The following HYAL4 variants were observed in gnomAD, a reference collection of about 807,000 sequenced individuals.
HYAL4 encodes hyaluronidase-4.
HYAL4 carries 37 observed loss-of-function variants against 35.2 expected under a neutral mutation model. That is an observed-to-expected ratio of 1.05 (90% CI 0.81 to 1.38). The LOEUF is 1.38. Ranked by LOEUF, HYAL4 falls within the 40% of genes most tolerant of loss-of-function variation. HYAL4 has a pLI of 0.00. For synonymous variants in HYAL4, 198 were observed against 203.2 expected, an observed-to-expected ratio of 0.97 and a Z score of 0.22; for missense variants, 572 against 572.4, an observed-to-expected ratio of 1.00 and a Z score of 0.01.
Position 123,877,016 on chromosome 7 carries a change from ATTGT to A in HYAL4, c.1309_1312del (p.Cys437IlefsTer12), listed in dbSNP as rs1431687341. 6.2e-7 allele frequency: 1 copy of A among 1,614,220 alleles called. No homozygotes were observed. Among genetic ancestry groups the A allele is most frequent in the Admixed American group, 1.7e-5 (1 of 60,032 alleles). On this transcript the variant is annotated frameshift_variant, in exon 5 of 5. Transcript: ENST00000223026. LOFTEE classifies it low-confidence loss of function (END_TRUNC). ...GTGATGGCAGATACATTTTCCTGTC[ATTGT>A]TATCAGGGATATGAAGGAGCTGATT...
At chr7:123,818,954 ACT>A in the HYAL4 span, among the ~76,000 whole-genome samples, 22 of 152,078 alleles carry the variant, frequency 1.4e-4, no homozygotes, top group South Asian at 1.7e-3. Context: ...TTTAATATCC[ACT>A]CTCTCAGCAT....
At chr7:123,835,554 T>G (rs1229554694) in intron 1 of HYAL4, among the ~76,000 whole-genome samples, 1 of 152,086 alleles carries the variant, frequency 6.6e-6, no homozygotes, top group Non-Finnish European at 1.5e-5. Context: ...TTATCTTTTG[T>G]ATTTTTTTGT....
chr7:123,767,505 C>T, the HYAL4 span, among the ~76,000 whole-genome samples: 1 of 152,140 alleles, frequency 6.6e-6, no homozygotes, highest in East Asian at 1.9e-4. Flanking sequence ...CATGTGCTGG[C>T]TCCCTGCAGC....
At chr7:123,830,945 A>G (rs145904091) in intron 1 of HYAL4, among the ~76,000 whole-genome samples, 42 of 152,044 alleles carry the variant, frequency 2.8e-4, no homozygotes, top group African/African-American at 8.2e-4. Flanking sequence ...TTTGCCTCAT[A>G]TTATGGATTT....
At chr7:123,797,928 A>G in the HYAL4 span, among the ~76,000 whole-genome samples, 1 of 152,114 alleles carries the variant, frequency 6.6e-6, no homozygotes, top group African/African-American at 2.4e-5. Flanking sequence ...AATTACACCT[A>G]TGGCAATAAT....
Position 123,868,559 on chromosome 7 carries a change from G to A in HYAL4, c.286G>A (p.Gly96Arg), listed in dbSNP as rs1267029898. 4.3e-6 allele frequency: 7 copies of A among 1,613,774 alleles called. 1 individual carries two copies. Among genetic ancestry groups the A allele is most frequent in the Middle Eastern group, 1.7e-4 (1 of 6,060 alleles). Residue 96 changes from glycine (G) to arginine (R), a missense_variant, in exon 3 of 5, where the codon GGA becomes AGA. Gly to Arg is a moderately radical substitution (Grantham distance 125). Coordinates refer to ENST00000223026, the MANE Select transcript of HYAL4 (RefSeq NM_012269.3). ...CACTATATTTTATGTCAACAGATTG[G>A]GATACTATCCGTGGTATACATCACA... ...NVTIFYVNRL[G>R]YYPWYTSQGV...
chr7:123,778,187 A>G, the HYAL4 span, among the ~76,000 whole-genome samples: 12 of 150,784 alleles, frequency 8.0e-5, no homozygotes, highest in African/African-American at 2.7e-4. Context: ...CTATCTATCT[A>G]TCTATCTATC....
At chr7:123,804,557 A>G in the HYAL4 span, among the ~76,000 whole-genome samples, 1 of 151,914 alleles carries the variant, frequency 6.6e-6, no homozygotes, top group Non-Finnish European at 1.5e-5. Flanking sequence ...AAAAGTTAGC[A>G]CTCGTGCTAT....
chr7:123,838,976 T>G (rs181386329), intron 1 of HYAL4, among the ~76,000 whole-genome samples: 1 of 148,818 alleles, frequency 6.7e-6, no homozygotes, highest in East Asian at 2.0e-4. Flanking sequence ...TCTTGAAGTT[T>G]CAATAGTTTT....
At chr7:123,859,681 T>C (rs1450026554) in intron 2 of HYAL4, among the ~76,000 whole-genome samples, 1 of 152,212 alleles carries the variant, frequency 6.6e-6, no homozygotes, top group African/African-American at 2.4e-5. Context: ...GCAAGTGAGA[T>C]GTAACTTTCT....
chr7:123,808,295 A>C, the HYAL4 span, among the ~76,000 whole-genome samples: 1 of 152,160 alleles, frequency 6.6e-6, no homozygotes, highest in Non-Finnish European at 1.5e-5. Flanking sequence ...TTCATAGTAC[A>C]TAAGAATGTG....
intron 4 of HYAL4, among the ~76,000 whole-genome samples, chr7:123,875,394 G>A (rs1055498441): frequency 1.3e-5 from 2 of 151,950 alleles, no homozygotes; most frequent in East Asian, 3.9e-4. Flanking sequence ...GGCGGGGCAC[G>A]GTGGCTCATG....
chr7:123,874,851 G>A lies in HYAL4; in HGVS notation c.1044+1G>A, dbSNP rs774340782. 1 of 1,508,486 alleles carries A rather than the reference G, an allele frequency of 6.6e-7. No homozygotes were observed. Among genetic ancestry groups the A allele is most frequent in the South Asian group, 1.1e-5 (1 of 88,876 alleles). 93.4% of individuals were successfully genotyped at this position (1,508,486 alleles called of 1,614,324 possible). Reference sequence around the variant, plus strand: ...AGACATGAATTTAACTGCATCCAAGGTAAGTCAGTATCTTGAAGGTATATT... The same window carrying A: ...AGACATGAATTTAACTGCATCCAAGATAAGTCAGTATCTTGAAGGTATATT... On this transcript the variant is annotated splice_donor_variant, in intron 4 of 4. Coordinates refer to ENST00000223026, the MANE Select transcript of HYAL4 (RefSeq NM_012269.3). LOFTEE classifies it high-confidence loss of function.
Position 123,868,371 on chromosome 7 carries a change from C to G in HYAL4, c.98C>G (p.Ser33Cys), listed in dbSNP as rs769948388. Residue 33 changes from serine to cysteine, a missense_variant, in exon 3 of 5, where the codon TCT (serine) becomes TGT (cysteine). Transcript: ENST00000223026. Reference protein sequence around the residue: ...LLIFFILKSISCLKPARLPIY... With the variant: ...LLIFFILKSICCLKPARLPIY... Reference sequence around the variant, plus strand: ...ATATTTTTTATTCTAAAGTCTATCTCTTGTCTAAAACCTGCTCGACTTCCA... The same window carrying G: ...ATATTTTTTATTCTAAAGTCTATCTGTTGTCTAAAACCTGCTCGACTTCCA... The G allele has an allele frequency of 5.6e-6, 9 of 1,611,368 alleles. No individual in the cohort carries two copies. The Admixed American group carries it at 6.7e-5, about 12-fold the overall frequency.
chr7:123,868,190 C>T (rs943917234), intron 2 of HYAL4, 33 bp from the exon 3 acceptor site: 21 of 623,388 alleles, frequency 3.4e-5, no homozygotes, highest in East Asian at 2.8e-4. Flanking sequence ...TTCCTCAAAA[C>T]TATGACTAAC....
At chr7:123,799,990 G>A in the HYAL4 span, among the ~76,000 whole-genome samples, 2 of 151,698 alleles carry the variant, frequency 1.3e-5, no homozygotes, top group Non-Finnish European at 2.9e-5. Context: ...GTGAAACCCC[G>A]CCTCTACTAA....
At chr7:123,792,189 T>C in the HYAL4 span, among the ~76,000 whole-genome samples, 1 of 152,228 alleles carries the variant, frequency 6.6e-6, no homozygotes, top group Non-Finnish European at 1.5e-5. Flanking sequence ...CTTCAGGAAG[T>C]CACACTGTTA....
At chr7:123,807,432 G>GTT in the HYAL4 span, among the ~76,000 whole-genome samples, 103 of 120,760 alleles carry the variant, frequency 8.5e-4, no homozygotes, top group East Asian at 1.2e-3. Context: ...ACTTTTTATG[G>GTT]TTTTTTTTTT....
chr7:123,813,431 A>G, the HYAL4 span, among the ~76,000 whole-genome samples: 1 of 152,298 alleles, frequency 6.6e-6, no homozygotes, highest in African/African-American at 2.4e-5. Flanking sequence ...TGAATATACA[A>G]TCCAGTTTCT....
Sources: allele counts gnomAD v4.1 joint callset (sites outside exome capture counted in the v4.1 genomes callset), GRCh38; gene constraint gnomAD v4.1.1; transcripts MANE v1.5; gene names NCBI Gene and HGNC (gene_info 2026-07-23, HGNC 2026-07-21).